The following CNTN6 variants were observed in gnomAD, a reference collection of about 807,000 sequenced individuals.
The protein encoded by CNTN6 is contactin-6.
A neutral mutation model predicts 122.8 loss-of-function variants in CNTN6; 137 were observed. That is an observed-to-expected ratio of 1.12 (90% CI 0.97 to 1.29). The LOEUF (loss-of-function observed/expected upper bound fraction) is 1.29. Ranked by LOEUF, CNTN6 falls within the 50% of genes most tolerant of loss-of-function variation. The pLI is 0.00. For missense variants in CNTN6, 1,634 were observed against 1,223.4 expected (o/e 1.34, Z -5.01); for synonymous variants, 570 against 426.0 (o/e 1.34, Z -4.16).
intron 2 of CNTN6, among the ~76,000 whole-genome samples, chr3:1,151,553 T>G (rs538810350): frequency 6.6e-6 from 1 of 152,334 alleles, no homozygotes; most frequent in East Asian, 1.9e-4. Context: ...AGATTCTAAA[T>G]ATTTGCTAAA....
intron 20 of CNTN6, among the ~76,000 whole-genome samples, chr3:1,399,033 A>T (rs1445558456): frequency 7.2e-5 from 11 of 152,184 alleles, no homozygotes; most frequent in Admixed American, 2.0e-4. Flanking sequence ...TAGCCAGTTG[A>T]TTTTTTCAAT....
rs775018477 is a variant in CNTN6 at position 1,327,505 on chromosome 3, G to C, written c.1132G>C (p.Val378Leu). Residue 378 changes from valine to leucine, a missense_variant, in exon 10 of 23, where the codon GTG becomes CTG. By Grantham distance (32) the Val-to-Leu change is conservative. Coordinates refer to ENST00000446702, the MANE Select transcript of CNTN6 (RefSeq NM_001289080.2). Reference protein sequence around the residue: ...NGTLIITMLNVSDSGVYQCAA... With the variant: ...NGTLIITMLNLSDSGVYQCAA... ...GACACTCATCATAACGATGCTGAATGTGTCAGATTCTGGTGTGTACCAATG... is the reference window on the plus strand; with the variant it reads ...GACACTCATCATAACGATGCTGAATCTGTCAGATTCTGGTGTGTACCAATG... 1.2e-6 allele frequency: 2 copies of C among 1,610,988 alleles called. No homozygotes were observed. The highest frequency in any genetic ancestry group is 4.5e-5 in the East Asian group (2 of 44,684).
At chr3:1,399,512 C>T (rs1394440322) in intron 20 of CNTN6, among the ~76,000 whole-genome samples, 1 of 152,058 alleles carries the variant, frequency 6.6e-6, no homozygotes, top group Non-Finnish European at 1.5e-5. Flanking sequence ...TGTACCAGGA[C>T]ATGGTCAATC....
At chr3:1,235,798 G>T (rs1173161433) in intron 4 of CNTN6, among the ~76,000 whole-genome samples, 1 of 152,096 alleles carries the variant, frequency 6.6e-6, no homozygotes, top group African/African-American at 2.4e-5. Flanking sequence ...AGGGAGGCTG[G>T]TGGTCTGGGG....
intron 12 of CNTN6, among the ~76,000 whole-genome samples, chr3:1,365,301 T>A (rs1184207549): frequency 1.3e-5 from 2 of 152,056 alleles, no homozygotes; most frequent in African/African-American, 4.8e-5. Context: ...TTTAAAAGAT[T>A]AAGGAATCTT....
rs756071256 is a variant in CNTN6 at position 1,325,877 on chromosome 3, T to C, written c.1009T>C (p.Trp337Arg). The C allele has an allele frequency of 1.9e-6, 3 of 1,612,064 alleles. No homozygotes were observed. The highest frequency in any genetic ancestry group is 8.5e-7 in the Non-Finnish European group (1 of 1,178,774). Reference protein sequence around the residue: ...THLSIYDNLLWECKASGKPNP... With the variant: ...THLSIYDNLLRECKASGKPNP... ...CCTCTCTATCTATGACAACTTGCTC[T>C]GGGAATGTAAAGCTAGTGGAAAGCC... The change falls in exon 9 of 23, where the codon TGG (tryptophan) becomes CGG (arginine). Residue 337 changes from tryptophan to arginine, a missense_variant. Transcript: ENST00000446702.
In CNTN6 at chr3:1,323,281, G is replaced by A. The variant is rs145871834; in HGVS notation, c.946+1447G>A. ...TAAGTTAATTGTGCAGGATCTCACA[G>A]ATAGTGATTGTCAGATTCAAGATCA... On this transcript the variant is annotated intron_variant, in intron 8 of 22. Coordinates refer to ENST00000446702, the MANE Select transcript of CNTN6 (RefSeq NM_001289080.2). Among the ~76,000 whole-genome samples, 992 of 151,864 alleles carry A rather than the reference G, an allele frequency of 6.5e-3. 4 individuals carry two copies. The highest frequency in any genetic ancestry group is 9.9e-3 in the Non-Finnish European group (670 of 67,822).
At chr3:1,119,598 C>G (rs1456565498) in intron 1 of CNTN6, among the ~76,000 whole-genome samples, 4 of 151,860 alleles carry the variant, frequency 2.6e-5, no homozygotes. Context: ...GAGAATTCCA[C>G]TTGTGCGTAA....
chr3:1,245,302 ATATAT>A lies in CNTN6; in HGVS notation c.358+17310_358+17314del, dbSNP rs1559597463. ...ACACACATATATATATAACATATAT[ATATAT>A]ATATATATATATATATATATATATA... is the stretch of plus-strand genomic sequence containing the variant. On this transcript the variant is annotated intron_variant, in intron 4 of 22. Coordinates refer to ENST00000446702, the MANE Select transcript of CNTN6 (RefSeq NM_001289080.2). Among the ~76,000 whole-genome samples the A allele has an allele frequency of 6.5e-4, 4 of 6,192 alleles. 1 individual carries two copies. Among genetic ancestry groups the A allele is most frequent in the African/African-American group, 2.4e-3 (4 of 1,692 alleles). 4.1% of individuals were successfully genotyped at this position (6,192 alleles called of 152,430 possible). A position where few individuals can be genotyped will look rare whatever the true frequency, so the allele number is the denominator to read the frequency against.
intron 1 of CNTN6, among the ~76,000 whole-genome samples, chr3:1,134,092 C>T (rs9839199): frequency 0.038 from 5,841 of 152,222 alleles, 248 homozygotes; most frequent in African/African-American, 0.1. Flanking sequence ...AGACCACTCA[C>T]TGTGAAGTCA....
chr3:1,196,159 C>A (rs370387890), intron 2 of CNTN6, among the ~76,000 whole-genome samples: 3 of 152,210 alleles, frequency 2.0e-5, no homozygotes, highest in East Asian at 3.9e-4. Flanking sequence ...ATGGGCATTG[C>A]TTAACAGCAT....
chr3:1,331,718 C>G (rs80180949), intron 11 of CNTN6, among the ~76,000 whole-genome samples: 2,028 of 151,612 alleles, frequency 0.013, 55 homozygotes, highest in African/African-American at 0.046. Context: ...GTAACTCACC[C>G]AAGGAGCAGA....
At chr3:1,392,705 T>C (rs1178879962) in intron 20 of CNTN6, among the ~76,000 whole-genome samples, 1 of 143,700 alleles carries the variant, frequency 7.0e-6, no homozygotes, top group Non-Finnish European at 1.6e-5. Context: ...CAAACAAATT[T>C]ACAAGAAAAA....
At chr3:1,218,404 C>T (rs1472487919) in intron 2 of CNTN6, among the ~76,000 whole-genome samples, 1 of 152,008 alleles carries the variant, frequency 6.6e-6, no homozygotes, top group Non-Finnish European at 1.5e-5. Flanking sequence ...AGTGTCAGAG[C>T]CCGAGTGGGG....
intron 4 of CNTN6, among the ~76,000 whole-genome samples, chr3:1,258,187 A>G (rs2094790180): frequency 6.6e-6 from 1 of 152,118 alleles, no homozygotes; most frequent in Admixed American, 6.6e-5. Context: ...TGAAGGGAGG[A>G]AGAAAAAAAA....
At chr3:1,150,845 T>A (rs950335778) in intron 2 of CNTN6, among the ~76,000 whole-genome samples, 7 of 152,078 alleles carry the variant, frequency 4.6e-5, no homozygotes, top group African/African-American at 1.7e-4. Context: ...CTATCCAGAT[T>A]GTAAGAAGGA....
At chr3:1,319,848 T>TAAAATA (rs1700603151) in intron 7 of CNTN6, among the ~76,000 whole-genome samples, 1 of 149,046 alleles carries the variant, frequency 6.7e-6, no homozygotes, top group Non-Finnish European at 1.5e-5. Flanking sequence ...TAAAATAAAA[T>TAAAATA]AAAATAAAAT....
At chr3:1,286,200 CT>C (rs1694305860) in intron 5 of CNTN6, among the ~76,000 whole-genome samples, 1 of 152,100 alleles carries the variant, frequency 6.6e-6, no homozygotes, top group Non-Finnish European at 1.5e-5. Context: ...TTCTTTTTTT[CT>C]CTTTTTATTA....
intron 2 of CNTN6, among the ~76,000 whole-genome samples, chr3:1,208,684 G>A (rs1030865468): frequency 6.6e-6 from 1 of 152,004 alleles, no homozygotes; most frequent in African/African-American, 2.4e-5. Context: ...CCACCCTTTA[G>A]CTATTTGATA....
Sources: allele counts gnomAD v4.1 joint callset (sites outside exome capture counted in the v4.1 genomes callset), GRCh38; gene constraint gnomAD v4.1.1; transcripts MANE v1.5; gene names NCBI Gene and HGNC (gene_info 2026-07-23, HGNC 2026-07-21).